SNTG1: variants seen among roughly 807,000 people sequenced by gnomAD.
SNTG1 encodes gamma-1-syntrophin.
Under a neutral mutation model 74.7 loss-of-function variants are expected in SNTG1, and 39 were observed. The ratio of observed to expected loss-of-function variants is 0.52; its 90% CI spans 0.40 to 0.68. The LOEUF (loss-of-function observed/expected upper bound fraction) is 0.68. Ranked by LOEUF, SNTG1 falls within the 30% of genes least tolerant of loss-of-function variation. The pLI, the probability that SNTG1 is intolerant of heterozygous loss-of-function variation, is 0.00. For missense variants in SNTG1, 685 were observed against 609.5 expected (o/e 1.12, Z -1.30); for synonymous variants, 254 against 217.1 (o/e 1.17, Z -1.49).
In SNTG1 at chr8:50,236,450, A is replaced by ATTTT. The variant is rs56003219; in HGVS notation, c.-28+63830_-28+63833dup. 8.4e-4 allele frequency among the ~76,000 whole-genome samples: 117 copies of ATTTT among 138,652 alleles called. 2 individuals are homozygous for ATTTT. Among genetic ancestry groups the ATTTT allele is most frequent in the East Asian group, 4.0e-3 (18 of 4,548 alleles). The allele number at this position is 138,652 out of a possible 152,430, so 91.0% of individuals were successfully genotyped here. ...GTTTACAGAAACTTTTTAATTGTAA[A>ATTTT]TTTTTTTTTTTTTTTTTTGAGACGC... On this transcript the variant is annotated intron_variant, in intron 2 of 18. Coordinates refer to ENST00000642720, the MANE Select transcript of SNTG1 (RefSeq NM_018967.5).
intron 4 of SNTG1, among the ~76,000 whole-genome samples, chr8:50,404,414 A>G (rs1287895849): frequency 6.6e-6 from 1 of 152,162 alleles, no homozygotes; most frequent in Non-Finnish European, 1.5e-5. Context: ...AGTTGATTCC[A>G]AAATTTACAT....
intron 11 of SNTG1, among the ~76,000 whole-genome samples, chr8:50,542,124 A>G (rs1169112521): frequency 6.7e-6 from 1 of 148,320 alleles, no homozygotes; most frequent in Non-Finnish European, 1.5e-5. Flanking sequence ...ATATATATAT[A>G]TGAATGTAGT....
chr8:49,958,721 C>A (rs1406903319), intron 1 of SNTG1, among the ~76,000 whole-genome samples: 1 of 152,206 alleles, frequency 6.6e-6, no homozygotes, highest in Non-Finnish European at 1.5e-5. Context: ...GCCCAGCCAA[C>A]ATTTTCCTTC....
intron 5 of SNTG1, among the ~76,000 whole-genome samples, chr8:50,439,337 G>T (rs555814615): frequency 6.6e-6 from 1 of 151,936 alleles, no homozygotes; most frequent in African/African-American, 2.4e-5. Context: ...TAATTATTGG[G>T]TTAGTTATTT....
intron 1 of SNTG1, among the ~76,000 whole-genome samples, chr8:50,150,177 G>T (rs2082017008): frequency 1.3e-5 from 2 of 151,940 alleles, no homozygotes; most frequent in Non-Finnish European, 2.9e-5. Context: ...TGTTCACTCA[G>T]GATTTGGTTC....
chr8:49,939,242 T>C (rs989780973), intron 1 of SNTG1, among the ~76,000 whole-genome samples: 1 of 152,342 alleles, frequency 6.6e-6, no homozygotes. Context: ...CTAATGGGTA[T>C]AAATTCATAT....
intron 17 of SNTG1, among the ~76,000 whole-genome samples, chr8:50,725,391 TAACTA>T (rs1001224817): frequency 1.5e-4 from 23 of 152,302 alleles, no homozygotes; most frequent in African/African-American, 3.4e-4. Context: ...TTTTTTAACT[TAACTA>T]AAGTTGAGTC....
chr8:50,521,110 T>C (rs1025836214), intron 9 of SNTG1, among the ~76,000 whole-genome samples: 4 of 152,160 alleles, frequency 2.6e-5, no homozygotes, highest in Non-Finnish European at 5.9e-5. Context: ...TGAGTTCATG[T>C]TCTTTGCAGT....
At chr8:50,559,538 CT>C (rs2094474992) in intron 12 of SNTG1, among the ~76,000 whole-genome samples, 4 of 152,010 alleles carry the variant, frequency 2.6e-5, no homozygotes, top group African/African-American at 9.7e-5. Flanking sequence ...ATAAGATACA[CT>C]TTTTACAAGA....
At chr8:49,949,095 T>G (rs939105716) in intron 1 of SNTG1, among the ~76,000 whole-genome samples, 1 of 152,212 alleles carries the variant, frequency 6.6e-6, no homozygotes, top group Non-Finnish European at 1.5e-5. Flanking sequence ...ACACCTTTAG[T>G]GTTTGAAGTC....
At chr8:50,760,108 T>C (rs1477147452) in intron 18 of SNTG1, among the ~76,000 whole-genome samples, 1 of 152,090 alleles carries the variant, frequency 6.6e-6, no homozygotes, top group Non-Finnish European at 1.5e-5. Flanking sequence ...TTGTAGCAAT[T>C]ATGAATGGGA....
At chr8:50,066,411 G>A (rs1820905571) in intron 1 of SNTG1, among the ~76,000 whole-genome samples, 1 of 152,040 alleles carries the variant, frequency 6.6e-6, no homozygotes, top group Non-Finnish European at 1.5e-5. Flanking sequence ...ATCTCACATA[G>A]TTTTTAAAAT....
intron 1 of SNTG1, among the ~76,000 whole-genome samples, chr8:50,081,340 A>G (rs2131079555): frequency 6.6e-6 from 1 of 152,262 alleles, no homozygotes; most frequent in Admixed American, 6.5e-5. Flanking sequence ...AGCCTTTACC[A>G]AGTTTACTCA....
intron 2 of SNTG1, among the ~76,000 whole-genome samples, chr8:50,221,547 ACAC>A (rs1289663978): frequency 3.3e-5 from 5 of 150,846 alleles, no homozygotes; most frequent in East Asian, 3.9e-4. Flanking sequence ...ACACACACAC[ACAC>A]AAGACTGACA....
At chr8:50,661,022 T>C (rs912435869) in intron 15 of SNTG1, among the ~76,000 whole-genome samples, 1 of 152,166 alleles carries the variant, frequency 6.6e-6, no homozygotes, top group Non-Finnish European at 1.5e-5. Flanking sequence ...ATTTAGTTTT[T>C]TCCCCCACTT....
chr8:49,960,046 T>A (rs1266299284), intron 1 of SNTG1, among the ~76,000 whole-genome samples: 1 of 152,226 alleles, frequency 6.6e-6, no homozygotes, highest in African/African-American at 2.4e-5. Context: ...TTCAGCATTC[T>A]TTTACCGTGC....
In SNTG1 at chr8:49,972,447, T is replaced by G. The variant is rs1373460180; in HGVS notation, c.-103+60216T>G. On this transcript the variant is annotated intron_variant, in intron 1 of 18. Transcript: ENST00000642720. ...AACCTAGGCAATACCATTCAGGATATAGGCATGGGCGAGGACTTCATGTCT... is the reference window on the plus strand; with the variant it reads ...AACCTAGGCAATACCATTCAGGATAGAGGCATGGGCGAGGACTTCATGTCT... 1.3e-5 allele frequency among the ~76,000 whole-genome samples: 2 copies of G among 152,298 alleles called. 1 individual carries two copies. The highest frequency in any genetic ancestry group is 4.8e-5 in the African/African-American group (2 of 41,560).
intron 2 of SNTG1, among the ~76,000 whole-genome samples, chr8:50,310,937 T>C (rs984814313): frequency 7.2e-5 from 11 of 152,162 alleles, no homozygotes; most frequent in Non-Finnish European, 1.6e-4. Context: ...CAGCGTTCAA[T>C]TGCCACCTCC....
At chr8:50,328,559 A>G (rs1488326979) in intron 2 of SNTG1, among the ~76,000 whole-genome samples, 2 of 152,198 alleles carry the variant, frequency 1.3e-5, no homozygotes, top group East Asian at 3.9e-4. Context: ...AGGTACTGTC[A>G]AACACTTATA....
Sources: gnomAD v4.1 joint callset for allele counts (sites outside exome capture counted in the v4.1 genomes callset) on GRCh38, gnomAD v4.1.1 for gene constraint, MANE v1.5 for transcripts, NCBI Gene and HGNC (gene_info 2026-07-23, HGNC 2026-07-21) for gene names.